The following PTPRD variants were observed in gnomAD, a reference collection of about 807,000 sequenced individuals.
PTPRD encodes receptor-type tyrosine-protein phosphatase delta.
In PTPRD, 34 loss-of-function variants were observed where a neutral mutation model predicts 214.5. The ratio of observed to expected loss-of-function variants is 0.16; its 90% CI spans 0.12 to 0.21. The LOEUF (loss-of-function observed/expected upper bound fraction) is 0.21, where lower values mean the gene tolerates loss of function less well. Ranked by LOEUF, PTPRD falls within the 10% of genes least tolerant of loss-of-function variation. The pLI, the probability that PTPRD is intolerant of heterozygous loss-of-function variation, is 1.00. For synonymous variants in PTPRD, 1,128 were observed against 845.7 expected (o/e 1.33, Z -5.79); for missense variants, 2,545 against 2,398.7 (o/e 1.06, Z -1.27).
intron 3 of PTPRD, among the ~76,000 whole-genome samples, chr9:10,335,564 G>A (rs768006277): frequency 6.6e-6 from 1 of 151,336 alleles, no homozygotes; most frequent in Non-Finnish European, 1.5e-5. Flanking sequence ...AACAACAAAG[G>A]CATGATCCAT....
At chr9:9,051,947 A>G (rs1198151959) in intron 10 of PTPRD, among the ~76,000 whole-genome samples, 1 of 152,226 alleles carries the variant, frequency 6.6e-6, no homozygotes, top group Non-Finnish European at 1.5e-5. Flanking sequence ...AAATCTGGGC[A>G]TGGGATTTAA....
rs35568734 is a variant in PTPRD, at chr9:8,885,488, CTTT to C, written c.-104+133206_-104+133208del. ...GTCTTTCCATTATACCACACAGCCTCTTTTTTTTTTTTTTTTTTTTTTTCTGAG... is the reference window on the plus strand; with the variant it reads ...GTCTTTCCATTATACCACACAGCCTCTTTTTTTTTTTTTTTTTTTTCTGAG... On this transcript the variant is annotated intron_variant, in intron 11 of 45. Coordinates refer to ENST00000381196, the MANE Select transcript of PTPRD (RefSeq NM_002839.4). Among the ~76,000 whole-genome samples, 10 of 93,354 alleles carry C rather than the reference CTTT, an allele frequency of 1.1e-4. No individual in the cohort carries two copies. In the East Asian group the frequency reaches 2.3e-3, roughly 22 times the overall value. The allele number at this position is 93,354 out of a possible 152,430, so 61.2% of individuals were successfully genotyped here. A position where few individuals can be genotyped will look rare whatever the true frequency, so the allele number is the denominator to read the frequency against.
intron 7 of PTPRD, among the ~76,000 whole-genome samples, chr9:9,576,300 T>C (rs1264682077): frequency 6.6e-6 from 1 of 152,180 alleles, no homozygotes; most frequent in Non-Finnish European, 1.5e-5. Context: ...TGAGAGGTGA[T>C]ATAAAATGTT....
intron 5 of PTPRD, among the ~76,000 whole-genome samples, chr9:9,891,374 CTT>C (rs35668805): frequency 0.022 from 3,102 of 141,874 alleles, 100 homozygotes; most frequent in African/African-American, 0.074. Flanking sequence ...AAAACATACA[CTT>C]TTTTTTTTTT....
chr9:10,483,862 T>A (rs920033119), intron 2 of PTPRD, among the ~76,000 whole-genome samples: 21 of 151,914 alleles, frequency 1.4e-4, no homozygotes, highest in African/African-American at 5.1e-4. Flanking sequence ...TGGAAAACAA[T>A]ATGGAGATTT....
rs540823381 is a variant in PTPRD at position 9,972,484 on chromosome 9, CCCTT to C, written c.-471-33878_-471-33875del. On this transcript the variant is annotated intron_variant, in intron 4 of 45. Transcript: ENST00000381196. ...CAATCTGAATTTAATTTCATTCACT[CCCTT>C]CATATTATAGAAATTACTTGAGTGC... 4.8e-4 allele frequency among the ~76,000 whole-genome samples: 73 copies of C among 152,228 alleles called. No homozygotes were observed. The South Asian group carries it at 0.015, about 31-fold the overall frequency.
intron 2 of PTPRD, among the ~76,000 whole-genome samples, chr9:10,564,944 G>A (rs1280052621): frequency 3.9e-5 from 6 of 151,940 alleles, no homozygotes; most frequent in Non-Finnish European, 8.8e-5. Flanking sequence ...ATAACCAGTT[G>A]ACTATATTAG....
chr9:10,306,938 T>A (rs1472262873), intron 3 of PTPRD, among the ~76,000 whole-genome samples: 1 of 152,154 alleles, frequency 6.6e-6, no homozygotes, highest in East Asian at 1.9e-4. Flanking sequence ...ATTCATTTTG[T>A]ATTGATTCAT....
At chr9:10,325,131 T>A (rs969721743) in intron 3 of PTPRD, among the ~76,000 whole-genome samples, 2 of 151,896 alleles carry the variant, frequency 1.3e-5, no homozygotes, top group African/African-American at 2.4e-5. Flanking sequence ...TCTAGAAGAG[T>A]GTTTATCAAA....
rs1439272694 is a variant in PTPRD at position 8,436,611 on chromosome 9, T to C, written c.4067A>G (p.Lys1356Arg). The change falls in exon 35 of 46, where the codon AAG (lysine) becomes AGG (arginine). Residue 1356 changes from lysine (K) to arginine (R), a missense_variant. Transcript: ENST00000381196. The part of the protein sequence containing the change: ...IERLKANDNL[K>R]FSQEYESIDP... ...AATTACCTCATATTCCTGGGAAAAC[T>C]TCAAGTTGTCATTTGCTTTCAATCT... The C allele has an allele frequency of 3.7e-6, 6 of 1,612,952 alleles. No individual in the cohort carries two copies. In the African/African-American group the frequency reaches 5.3e-5, roughly 14 times the overall value.
intron 11 of PTPRD, among the ~76,000 whole-genome samples, chr9:8,881,634 T>A (rs979887295): frequency 2.0e-5 from 3 of 152,138 alleles, no homozygotes; most frequent in African/African-American, 7.2e-5. Context: ...TGTGGAAGCA[T>A]AGTATAGTGG....
chr9:9,869,366 C>A (rs1269906824), intron 5 of PTPRD, among the ~76,000 whole-genome samples: 1 of 151,988 alleles, frequency 6.6e-6, no homozygotes, highest in East Asian at 1.9e-4. Context: ...TTAATGGATT[C>A]CAAAATCATC....
intron 7 of PTPRD, among the ~76,000 whole-genome samples, chr9:9,695,999 C>T (rs187082381): frequency 1.8e-3 from 271 of 152,058 alleles, no homozygotes; most frequent in Middle Eastern, 3.4e-3. Flanking sequence ...TGGGAGAATT[C>T]AGCAGTGAAG....
chr9:9,912,901 A>G (rs560622510), intron 5 of PTPRD, among the ~76,000 whole-genome samples: 1 of 152,304 alleles, frequency 6.6e-6, no homozygotes, highest in East Asian at 1.9e-4. Context: ...AGTATAATCA[A>G]TGCATCTTAC....
chr9:9,677,865 G>A (rs556884691), intron 7 of PTPRD, among the ~76,000 whole-genome samples: 137 of 152,250 alleles, frequency 9.0e-4, no homozygotes, highest in African/African-American at 3.1e-3. Flanking sequence ...GGCAAGTTCA[G>A]CAAAGTCTCA....
chr9:10,146,187 A>G (rs570155258), intron 3 of PTPRD, among the ~76,000 whole-genome samples: 1 of 150,608 alleles, frequency 6.6e-6, no homozygotes, highest in Non-Finnish European at 1.5e-5. Flanking sequence ...CTATACAGTG[A>G]TCTATGCACA....
intron 11 of PTPRD, among the ~76,000 whole-genome samples, chr9:9,006,741 C>T (rs1451852106): frequency 6.6e-6 from 1 of 151,926 alleles, no homozygotes; most frequent in Non-Finnish European, 1.5e-5. Flanking sequence ...AGTAAGAAAT[C>T]TAAGATAAAG....
At chr9:8,664,415 TA>T (rs1381714921) in intron 12 of PTPRD, among the ~76,000 whole-genome samples, 9 of 152,152 alleles carry the variant, frequency 5.9e-5, no homozygotes, top group African/African-American at 2.2e-4. Flanking sequence ...TTTTCTTCAA[TA>T]AAGGCAAATT....
At chr9:10,307,688 C>T (rs1244826665) in intron 3 of PTPRD, among the ~76,000 whole-genome samples, 1 of 151,792 alleles carries the variant, frequency 6.6e-6, no homozygotes, top group South Asian at 2.1e-4. Context: ...TAACAGTTCC[C>T]TTAAATACTG....
Sources: gnomAD v4.1 joint callset for allele counts (sites outside exome capture counted in the v4.1 genomes callset) on GRCh38, gnomAD v4.1.1 for gene constraint, MANE v1.5 for transcripts, NCBI Gene and HGNC (gene_info 2026-07-23, HGNC 2026-07-21) for gene names.